Variants in SULT2B1 observed in about 807,000 individuals in gnomAD.
SULT2B1 encodes sulfotransferase family 2B member 1.
Under a neutral mutation model 33.2 loss-of-function variants are expected in SULT2B1, and 16 were observed. The observed-to-expected ratio is 0.48, with a 90% CI of 0.33 to 0.73. SULT2B1 has a LOEUF of 0.73. Ranked by LOEUF, SULT2B1 falls within the 30% of genes least tolerant of loss-of-function variation. The pLI, the probability that SULT2B1 is intolerant of heterozygous loss-of-function variation, is 0.02. For missense variants in SULT2B1, 500 were observed against 506.0 expected (o/e 0.99, Z 0.11); for synonymous variants, 186 against 200.5 (o/e 0.93, Z 0.61).
intron 4 of SULT2B1, 107 bp from the exon 5 acceptor site, chr19:48,592,615 C>A: frequency 1.1e-6 from 1 of 946,668 alleles, no homozygotes; most frequent in South Asian, 1.5e-5. Flanking sequence ...GCTCTGGGGG[C>A]TGGACCTGGG....
At chr19:48,556,185 T>C (rs1973098224) in intron 1 of SULT2B1, among the ~76,000 whole-genome samples, 1 of 152,140 alleles carries the variant, frequency 6.6e-6, no homozygotes, top group Admixed American at 6.6e-5. Context: ...ACACGGGCAA[T>C]TTAGGATTTT....
intron 1 of SULT2B1, 93 bp from the exon 2 acceptor site, chr19:48,575,848 A>G (rs1455046974): frequency 1.3e-6 from 2 of 1,535,458 alleles, no homozygotes; most frequent in East Asian, 4.6e-5. Flanking sequence ...CTGAGGAGGA[A>G]GTTCCTTGCC....
rs74845313 is a variant in SULT2B1 at position 48,552,564 on chromosome 19, G to T, written c.71+241G>T. ...TGGGGATGCCTGGGGTGTCCCTGTC[G>T]CTCTCCGGGCCTCAGTTTTTCTGTC... On this transcript the variant is annotated intron_variant, in intron 1 of 6. Transcript: ENST00000201586. This position sits in a 1 kb window ranked among gnomAD's most constrained non-coding sequence, Gnocchi z 4.8. 6.6e-6 allele frequency among the ~76,000 whole-genome samples: 1 copy of T among 152,246 alleles called. No individual in the cohort carries two copies. Among genetic ancestry groups the T allele is most frequent in the South Asian group, 2.1e-4 (1 of 4,830 alleles).
rs538276518 is a variant in SULT2B1, at chr19:48,598,940, C to T, written c.827-195C>T. On this transcript the variant is annotated intron_variant, in intron 6 of 6. Transcript: ENST00000201586. ...GCAGTGAGGGCGGAGGTGAGAACGG[C>T]GCCAGGTGACAGGCCAAGACTCTGC... Among the ~76,000 whole-genome samples, 224 of 152,042 alleles carry T rather than the reference C, an allele frequency of 1.5e-3. 1 individual carries two copies. Among genetic ancestry groups the T allele is most frequent in the African/African-American group, 4.9e-3 (203 of 41,452 alleles).
intron 1 of SULT2B1, among the ~76,000 whole-genome samples, chr19:48,559,947 C>T (rs1369240567): frequency 1.3e-5 from 2 of 149,924 alleles, no homozygotes; most frequent in South Asian, 2.1e-4. Flanking sequence ...ATAGCAAACC[C>T]TCATCTCTCT....
chr19:48,557,846 G>A (rs185466534), intron 1 of SULT2B1, among the ~76,000 whole-genome samples: 1,662 of 152,274 alleles, frequency 0.011, 13 homozygotes, highest in Non-Finnish European at 0.017. Context: ...TTGAACCCAG[G>A]AGGCGGAGGT....
chr19:48,572,123 T>C lies in SULT2B1; in HGVS notation c.72-3818T>C, dbSNP rs151051101. Among the ~76,000 whole-genome samples, 462 of 152,102 alleles carry C rather than the reference T, an allele frequency of 3.0e-3. 4 individuals carry two copies. Among genetic ancestry groups the C allele is most frequent in the African/African-American group, 0.01 (434 of 41,524 alleles). ...CTGGTGCCAGGCCCTTTCCTGGGAT[T>C]GGAGGGGGATGGACAGAGGGAATTC... On this transcript the variant is annotated intron_variant, in intron 1 of 6. Coordinates refer to ENST00000201586, the MANE Select transcript of SULT2B1 (RefSeq NM_177973.2).
intron 2 of SULT2B1, among the ~76,000 whole-genome samples, chr19:48,576,359 C>CTTTTTTTTTTTTTTT (rs1188887401): frequency 3.1e-5 from 3 of 96,714 alleles, no homozygotes; most frequent in African/African-American, 1.3e-4. Flanking sequence ...CTCTACTTCT[C>CTTTTTTTTTTTTTTT]TTTTTTTTTT....
At chr19:48,570,352 G>A (rs1377522196) in intron 1 of SULT2B1, among the ~76,000 whole-genome samples, 1 of 151,340 alleles carries the variant, frequency 6.6e-6, no homozygotes, top group African/African-American at 2.4e-5. Flanking sequence ...GCTAATTTTT[G>A]TATTTTATTA....
At chr19:48,579,072 C>A (rs1329483385) in intron 2 of SULT2B1, among the ~76,000 whole-genome samples, 1 of 151,992 alleles carries the variant, frequency 6.6e-6, no homozygotes, top group Non-Finnish European at 1.5e-5. Flanking sequence ...ACTATGTGGC[C>A]TCTTGTGTCT....
At chr19:48,555,857 A>T (rs768503110) in intron 1 of SULT2B1, among the ~76,000 whole-genome samples, 16 of 152,008 alleles carry the variant, frequency 1.1e-4, no homozygotes, top group Non-Finnish European at 1.8e-4. Flanking sequence ...CTTCTGCCTC[A>T]GCCTCCTGAG....
chr19:48,559,255 G>T (rs1973144172), intron 1 of SULT2B1, among the ~76,000 whole-genome samples: 1 of 152,162 alleles, frequency 6.6e-6, no homozygotes, highest in Admixed American at 6.6e-5. Flanking sequence ...TGGGGTGGGG[G>T]GAGGCAGTTG....
chr19:48,555,549 C>CCTCTCTATCTCTCTCT (rs1973087434), intron 1 of SULT2B1, among the ~76,000 whole-genome samples: 1 of 124,114 alleles, frequency 8.1e-6, no homozygotes, highest in Non-Finnish European at 1.6e-5. Context: ...CCAGAGACAT[C>CCTCTCTATCTCTCTCT]CTCTCTCTCT....
chr19:48,573,268 C>T (rs909873775), intron 1 of SULT2B1, among the ~76,000 whole-genome samples: 11 of 152,042 alleles, frequency 7.2e-5, no homozygotes, highest in African/African-American at 2.7e-4. Context: ...GCCACCCACC[C>T]GGAGGAGCTC....
intron 5 of SULT2B1, 50 bp from the exon 6 acceptor site, chr19:48,596,685 CTCCT>C (rs1041356325): frequency 2.0e-6 from 3 of 1,504,264 alleles, no homozygotes; most frequent in African/African-American, 2.7e-5. Flanking sequence ...AGGTTCCACG[CTCCT>C]TCCTTGGCCG....
At chr19:48,571,800 G>C (rs1375281949) in intron 1 of SULT2B1, among the ~76,000 whole-genome samples, 1 of 152,040 alleles carries the variant, frequency 6.6e-6, no homozygotes, top group Non-Finnish European at 1.5e-5. Context: ...GAGGGTGCAG[G>C]GGGTCTAGCT....
At chr19:48,589,468 T>C (rs1163658727) in intron 3 of SULT2B1, among the ~76,000 whole-genome samples, 1 of 151,968 alleles carries the variant, frequency 6.6e-6, no homozygotes, top group African/African-American at 2.4e-5. Flanking sequence ...CCTTGGCACA[T>C]ATATTCTGTA....
chr19:48,563,924 A>G (rs1973210592), intron 1 of SULT2B1, among the ~76,000 whole-genome samples: 1 of 150,536 alleles, frequency 6.6e-6, no homozygotes, highest in South Asian at 2.1e-4. Flanking sequence ...AGTTGATGCC[A>G]TTGAACTCCA....
At chr19:48,581,924 A>G (rs142583112) in intron 2 of SULT2B1, among the ~76,000 whole-genome samples, 1,874 of 144,382 alleles carry the variant, frequency 0.013, 35 homozygotes, top group African/African-American at 0.047. Context: ...TTATTATTAG[A>G]GATGAAGTCT....
Sources: gnomAD v4.1 joint callset for allele counts (sites outside exome capture counted in the v4.1 genomes callset) on GRCh38, gnomAD v4.1.1 for gene constraint, Gnocchi (gnomAD v3.1) non-coding constraint, MANE v1.5 for transcripts, NCBI Gene and HGNC (gene_info 2026-07-23, HGNC 2026-07-21) for gene names.